RSPO2: variants seen among roughly 807,000 people sequenced by gnomAD.
The protein encoded by RSPO2 is R-spondin-2.
A neutral mutation model predicts 30.9 loss-of-function variants in RSPO2; 14 were observed. That is an observed-to-expected ratio of 0.45 (90% CI 0.30 to 0.71). The LOEUF (loss-of-function observed/expected upper bound fraction) is 0.71. RSPO2 is among the 30% of genes least tolerant of loss of function. RSPO2 has a pLI of 0.08. For missense variants in RSPO2, 264 were observed against 301.9 expected, an observed-to-expected ratio of 0.87 and a Z score of 0.93; for synonymous variants, 107 against 96.4, an observed-to-expected ratio of 1.11 and a Z score of -0.64.
intron 4 of RSPO2, 108 bp from the exon 5 acceptor site, chr8:107,958,376 C>A: frequency 1.3e-6 from 1 of 784,338 alleles, no homozygotes; most frequent in Non-Finnish European, 2.1e-6. Flanking sequence ...ACTAACCCCA[C>A]CTTCAGATAC....
chr8:107,944,703 A>G (rs544305584), intron 5 of RSPO2, among the ~76,000 whole-genome samples: 2 of 152,268 alleles, frequency 1.3e-5, no homozygotes, highest in African/African-American at 4.8e-5. Context: ...ATCATCTACC[A>G]TCATCATCAT....
chr8:108,048,032 A>ATGTGCTAAGTAC (rs1811960445), intron 2 of RSPO2, among the ~76,000 whole-genome samples: 5 of 152,038 alleles, frequency 3.3e-5, no homozygotes, highest in Admixed American at 6.6e-5. Context: ...TGCCTTTATT[A>ATGTGCTAAGTAC]TGTGCTAAGT....
intron 5 of RSPO2, among the ~76,000 whole-genome samples, chr8:107,913,411 G>C (rs1811881671): frequency 6.6e-6 from 1 of 152,064 alleles, no homozygotes; most frequent in Non-Finnish European, 1.5e-5. Flanking sequence ...GATAACCAAT[G>C]GTATATTTTG....
intron 2 of RSPO2, among the ~76,000 whole-genome samples, chr8:108,033,049 C>CAAAAAA (rs35774922): frequency 1.5e-5 from 1 of 68,748 alleles, no homozygotes; most frequent in African/African-American, 6.1e-5. Flanking sequence ...GACTCTGTCT[C>CAAAAAA]AAAAAAAAAA....
At chr8:107,990,890 A>G (rs1365316768) in intron 2 of RSPO2, among the ~76,000 whole-genome samples, 1 of 152,172 alleles carries the variant, frequency 6.6e-6, no homozygotes, top group African/African-American at 2.4e-5. Flanking sequence ...TCCAGAAATA[A>G]GACCACACAT....
chr8:108,010,552 G>C (rs1810671746), intron 2 of RSPO2, among the ~76,000 whole-genome samples: 1 of 152,196 alleles, frequency 6.6e-6, no homozygotes, highest in Non-Finnish European at 1.5e-5. Flanking sequence ...AAGTGTCTTA[G>C]AGAGCGAGCA....
At chr8:107,902,135 C>T (rs1310054057) in intron 5 of RSPO2, among the ~76,000 whole-genome samples, 1 of 152,132 alleles carries the variant, frequency 6.6e-6, no homozygotes, top group Non-Finnish European at 1.5e-5. Context: ...TCTAAACACA[C>T]AGAAATCAGA....
intron 5 of RSPO2, among the ~76,000 whole-genome samples, chr8:107,957,082 A>T (rs745805332): frequency 5.0e-4 from 76 of 152,170 alleles, no homozygotes; most frequent in Non-Finnish European, 9.3e-4. Context: ...TCTTAAAAGT[A>T]TTGTCTTTCT....
At chr8:108,057,204 G>T (rs994625774) in intron 2 of RSPO2, among the ~76,000 whole-genome samples, 1 of 148,912 alleles carries the variant, frequency 6.7e-6, no homozygotes, top group East Asian at 2.1e-4. Flanking sequence ...ATTTGATGTT[G>T]AACAATTATG....
chr8:107,924,244 CAA>C (rs34105214), intron 5 of RSPO2, among the ~76,000 whole-genome samples: 2 of 151,710 alleles, frequency 1.3e-5, no homozygotes, highest in Admixed American at 6.6e-5. Context: ...AATTGAGACA[CAA>C]AAAGGAATGC....
chr8:108,079,651 G>A (rs891845462), intron 2 of RSPO2, among the ~76,000 whole-genome samples: 37 of 151,500 alleles, frequency 2.4e-4, no homozygotes, highest in African/African-American at 8.7e-4. Context: ...AAAGGAGTTC[G>A]GAGAATGCTC....
intron 4 of RSPO2, among the ~76,000 whole-genome samples, chr8:107,960,179 T>C (rs1176591026): frequency 1.3e-5 from 2 of 152,152 alleles, no homozygotes; most frequent in Admixed American, 6.6e-5. Flanking sequence ...TCCAGGTATA[T>C]AAATTTAGTA....
intron 3 of RSPO2, among the ~76,000 whole-genome samples, chr8:107,977,899 G>T (rs967158784): frequency 1.3e-5 from 2 of 151,794 alleles, no homozygotes; most frequent in African/African-American, 4.8e-5. Flanking sequence ...AGGATCGTCA[G>T]ATGTGACAGG....
chr8:107,972,626 A>G (rs1814040665), intron 3 of RSPO2, among the ~76,000 whole-genome samples: 1 of 152,108 alleles, frequency 6.6e-6, no homozygotes, highest in African/African-American at 2.4e-5. Context: ...TAAACCAAGC[A>G]GAAATAAGGG....
At chr8:107,979,450 G>A (rs1161033361) in intron 3 of RSPO2, among the ~76,000 whole-genome samples, 5 of 152,154 alleles carry the variant, frequency 3.3e-5, no homozygotes, top group South Asian at 2.1e-4. Context: ...CAAACACCGT[G>A]TGTTCTCACT....
chr8:108,069,832 C>T (rs1448179636), intron 2 of RSPO2, among the ~76,000 whole-genome samples: 1 of 152,208 alleles, frequency 6.6e-6, no homozygotes, highest in Non-Finnish European at 1.5e-5. Context: ...AGATGATATA[C>T]TTGCATTTCT....
chr8:108,070,333 C>T (rs1337627314), intron 2 of RSPO2, among the ~76,000 whole-genome samples: 9 of 140,136 alleles, frequency 6.4e-5, no homozygotes, highest in East Asian at 2.1e-4. Flanking sequence ...TCGCCCAGGC[C>T]GGACTGCGGA....
intron 2 of RSPO2, among the ~76,000 whole-genome samples, chr8:108,026,110 T>C (rs76993398): frequency 0.014 from 2,130 of 152,196 alleles, 53 homozygotes; most frequent in African/African-American, 0.048. Flanking sequence ...AAGAACACAA[T>C]AGCATGTTTG....
chr8:107,983,605 G>A (rs1814524342), intron 3 of RSPO2: 31 of 1,596,148 alleles, frequency 1.9e-5, no homozygotes, highest in Admixed American at 1.2e-4. Flanking sequence ...CCCAAAAGAC[G>A]ATAAAACAAT....
Sources: allele counts gnomAD v4.1 joint callset (sites outside exome capture counted in the v4.1 genomes callset), GRCh38; gene constraint gnomAD v4.1.1; transcripts MANE v1.5; gene names NCBI Gene and HGNC (gene_info 2026-07-23, HGNC 2026-07-21).